The following B3GALNT1 variants were observed in gnomAD, a reference collection of about 807,000 sequenced individuals.
B3GALNT1 encodes the protein beta-1,3-N-acetylgalactosaminyltransferase 1 (Globoside blood group).
In B3GALNT1, 17 loss-of-function variants were observed where a neutral mutation model predicts 27.3. The ratio of observed to expected loss-of-function variants is 0.62; its 90% CI spans 0.43 to 0.94. The LOEUF (loss-of-function observed/expected upper bound fraction) is 0.94. B3GALNT1 is among the 40% of genes least tolerant of loss of function. B3GALNT1 has a pLI of 0.00. For synonymous variants in B3GALNT1, 141 were observed against 144.0 expected, an observed-to-expected ratio of 0.98 and a Z score of 0.15; for missense variants, 347 against 390.0, an observed-to-expected ratio of 0.89 and a Z score of 0.93.
At chr3:161,093,369 A>C (rs952112254) in intron 4 of B3GALNT1, among the ~76,000 whole-genome samples, 5 of 152,220 alleles carry the variant, frequency 3.3e-5, no homozygotes, top group Non-Finnish European at 7.3e-5. Flanking sequence ...TAAGGGCTCA[A>C]TTGAAGTGGC....
chr3:161,094,778 A>C (rs1037416751), intron 4 of B3GALNT1, among the ~76,000 whole-genome samples: 3 of 152,064 alleles, frequency 2.0e-5, no homozygotes, highest in African/African-American at 4.8e-5. Context: ...TGCAGACTCA[A>C]ACTCCTGGCC....
At chr3:161,101,443 A>G (rs1005853293) in intron 3 of B3GALNT1, among the ~76,000 whole-genome samples, 7 of 152,184 alleles carry the variant, frequency 4.6e-5, no homozygotes, top group Admixed American at 1.3e-4. Context: ...GCCATCAATT[A>G]CCTTTGCTTT....
intron 4 of B3GALNT1, among the ~76,000 whole-genome samples, chr3:161,097,262 C>T (rs1610158): frequency 0.61 from 92,925 of 152,000 alleles, 29,485 homozygotes; most frequent in East Asian, 0.9. Context: ...AAATAATACG[C>T]GCTAAACATC....
chr3:161,085,080 T>C lies in B3GALNT1; in HGVS notation c.*679A>G, dbSNP rs539892037. The C allele has an allele frequency of 7.2e-5, 11 of 152,356 alleles. No homozygotes were observed. The highest frequency in any genetic ancestry group is 2.4e-4 in the African/African-American group (10 of 41,584). The allele number at this position is 152,356 out of a possible 1,614,324, so 9.4% of individuals were successfully genotyped here. A position where few individuals can be genotyped will look rare whatever the true frequency, so the allele number is the denominator to read the frequency against. ...GATATGCAATAATGACCTATGACTT[T>C]ACATTAATGGAGTGATGTATCAATA... On this transcript the variant is annotated 3_prime_UTR_variant, in exon 5 of 5. Transcript: ENST00000320474.
intron 4 of B3GALNT1, among the ~76,000 whole-genome samples, chr3:161,093,440 C>T (rs1420265326): frequency 6.6e-6 from 1 of 152,140 alleles, no homozygotes; most frequent in East Asian, 1.9e-4. Flanking sequence ...CTCGGATTGG[C>T]TCATTTCCTG....
intron 4 of B3GALNT1, among the ~76,000 whole-genome samples, chr3:161,094,068 T>A (rs974667313): frequency 6.6e-6 from 1 of 152,074 alleles, no homozygotes; most frequent in Admixed American, 6.5e-5. Context: ...ATAAAAAAGG[T>A]TATCAGTTTC....
chr3:161,101,872 T>C (rs1731473588), intron 3 of B3GALNT1, among the ~76,000 whole-genome samples: 1 of 152,164 alleles, frequency 6.6e-6, no homozygotes, highest in Non-Finnish European at 1.5e-5. Context: ...GTAACCAAAA[T>C]AGCAGCCAAA....
At chr3:161,103,543 T>C (rs1350690382) in intron 2 of B3GALNT1, 26 bp from the exon 3 acceptor site, 4 of 962,438 alleles carry the variant, frequency 4.2e-6, no homozygotes, top group Non-Finnish European at 5.7e-6. Context: ...GAAAAAAATA[T>C]ATATGAGTCA....
intron 4 of B3GALNT1, among the ~76,000 whole-genome samples, chr3:161,099,674 T>C (rs1730154880): frequency 6.6e-6 from 1 of 152,168 alleles, no homozygotes; most frequent in Non-Finnish European, 1.5e-5. Context: ...AGGGATGATG[T>C]TCATTCTTGC....
intron 3 of B3GALNT1, 122 bp from the exon 4 acceptor site, chr3:161,101,355 G>A (rs1264829639): frequency 1.1e-5 from 5 of 470,450 alleles, no homozygotes; most frequent in Middle Eastern, 3.4e-4. Flanking sequence ...GTATCGGGGA[G>A]CTGCTGCAGT....
intron 4 of B3GALNT1, among the ~76,000 whole-genome samples, chr3:161,088,285 C>A (rs1194804257): frequency 6.6e-6 from 1 of 152,186 alleles, no homozygotes; most frequent in African/African-American, 2.4e-5. Context: ...CATATTTTAA[C>A]CCACACAACG....
At chr3:161,095,639 C>T (rs187786354) in intron 4 of B3GALNT1, among the ~76,000 whole-genome samples, 324 of 152,252 alleles carry the variant, frequency 2.1e-3, no homozygotes, top group African/African-American at 7.6e-3. Flanking sequence ...GCCTTGAAGG[C>T]GGGAAGTGGG....
intron 4 of B3GALNT1, among the ~76,000 whole-genome samples, chr3:161,095,316 A>G (rs963621557): frequency 1.3e-5 from 2 of 152,142 alleles, no homozygotes; most frequent in Non-Finnish European, 2.9e-5. Flanking sequence ...TAGTTCCCCC[A>G]GCACTTATTT....
chr3:161,085,507 G>A lies in B3GALNT1; in HGVS notation c.*252C>T, dbSNP rs891466414. 6.0e-6 allele frequency: 3 copies of A among 502,312 alleles called. No individual in the cohort carries two copies. The highest frequency in any genetic ancestry group is 1.1e-5 in the Non-Finnish European group (3 of 280,758). 31.1% of individuals were successfully genotyped at this position (502,312 alleles called of 1,614,324 possible). A position where few individuals can be genotyped will look rare whatever the true frequency, so the allele number is the denominator to read the frequency against. On this transcript the variant is annotated 3_prime_UTR_variant, in exon 5 of 5. Transcript: ENST00000320474. ...GTCTACAGAATGACATGTCCAAATTGTTTGGTCCTATTAATTTCTTTAGCA... is the reference window on the plus strand; with the variant it reads ...GTCTACAGAATGACATGTCCAAATTATTTGGTCCTATTAATTTCTTTAGCA...
At chr3:161,099,394 T>C (rs1729952611) in intron 4 of B3GALNT1, among the ~76,000 whole-genome samples, 1 of 152,242 alleles carries the variant, frequency 6.6e-6, no homozygotes. Flanking sequence ...ACACATTTAT[T>C]GTCCTATGTC....
At position 161,100,824 on chromosome 3, in the gene B3GALNT1, A is replaced by G. The variant is rs144756152; in HGVS notation, c.-35+315T>C. ...ATTTGCAATACATGTTAGGATTTTT[A>G]GCAGGGCTGTTTTTTTTTTTAAAGG... On this transcript the variant is annotated intron_variant, in intron 4 of 4. Coordinates refer to ENST00000320474, the MANE Select transcript of B3GALNT1 (RefSeq NM_003781.4). 2.6e-4 allele frequency among the ~76,000 whole-genome samples: 39 copies of G among 151,862 alleles called. No homozygotes were observed. The East Asian group carries it at 5.6e-3, about 22-fold the overall frequency.
At chr3:161,098,936 C>T (rs911884652) in intron 4 of B3GALNT1, among the ~76,000 whole-genome samples, 2 of 152,156 alleles carry the variant, frequency 1.3e-5, no homozygotes, top group South Asian at 2.1e-4. Context: ...GCAGGTAACA[C>T]CTAAGAATCA....
Position 161,103,410 on chromosome 3 carries a change from A to C in B3GALNT1, c.-130+17T>G, listed in dbSNP as rs1287821501. On this transcript the variant is annotated intron_variant, in intron 3 of 4. Coordinates refer to ENST00000320474, the MANE Select transcript of B3GALNT1 (RefSeq NM_003781.4). ...ACCAATTAGGATAATTTATAAGTTA[A>C]AAGTAGATGAACTTACCTGTGGAAT... 1.7e-6 allele frequency: 2 copies of C among 1,180,204 alleles called. No homozygotes were observed. Among genetic ancestry groups the C allele is most frequent in the Non-Finnish European group, 2.2e-6 (2 of 893,004 alleles). The allele number at this position is 1,180,204 out of a possible 1,614,324, so 73.1% of individuals were successfully genotyped here.
rs191047338 is a variant in B3GALNT1 at position 161,098,802 on chromosome 3, T to C, written c.-35+2337A>G. 2.5e-4 allele frequency among the ~76,000 whole-genome samples: 38 copies of C among 152,296 alleles called. No homozygotes were observed. The East Asian group carries it at 5.4e-3, about 22-fold the overall frequency. ...GTTGCTGAGACTCTGTAAACATTAG[T>C]GAACACTTATGACACAAACACAATG... On this transcript the variant is annotated intron_variant, in intron 4 of 4. Transcript: ENST00000320474.
Sources: gnomAD v4.1 joint callset for allele counts (sites outside exome capture counted in the v4.1 genomes callset) on GRCh38, gnomAD v4.1.1 for gene constraint, MANE v1.5 for transcripts, NCBI Gene and HGNC (gene_info 2026-07-23, HGNC 2026-07-21) for gene names.